Variants in EVC observed in about 807,000 individuals in gnomAD.
The protein encoded by EVC is EvC ciliary complex subunit 1.
EVC carries 116 observed loss-of-function variants against 118.9 expected under a neutral mutation model. The ratio of observed to expected loss-of-function variants is 0.98; its 90% confidence interval spans 0.84 to 1.14. The LOEUF is 1.14. Ranked by LOEUF, EVC falls within the 50% of genes most tolerant of loss-of-function variation. The pLI is 0.00. For missense variants in EVC, 1,401 were observed against 1,246.4 expected (o/e 1.12, Z -1.87); for synonymous variants, 619 against 534.7 (o/e 1.16, Z -2.18).
chr4:5,722,124 C>T (rs539234729), intron 2 of EVC, among the ~76,000 whole-genome samples: 16 of 152,314 alleles, frequency 1.1e-4, no homozygotes, highest in African/African-American at 3.8e-4. Flanking sequence ...CATAACCTGT[C>T]TGAGCCTCAA....
chr4:5,793,387 G>A (rs776300970), intron 12 of EVC: 68 of 571,446 alleles, frequency 1.2e-4, no homozygotes, highest in Admixed American at 2.1e-4. Context: ...CTTCAATTTA[G>A]AATATTTAAA....
downstream of EVC, among the ~76,000 whole-genome samples, chr4:5,816,523 T>C (rs1416595025): frequency 6.6e-6 from 1 of 152,068 alleles, no homozygotes; most frequent in Non-Finnish European, 1.5e-5. Flanking sequence ...TGTAGAACTG[T>C]GCAGCACCAG....
chr4:5,769,611 G>A (rs80277559), intron 11 of EVC, among the ~76,000 whole-genome samples: 2,677 of 152,158 alleles, frequency 0.018, 93 homozygotes, highest in African/African-American at 0.06. Context: ...CAATAACAGC[G>A]GGGCTCTGGG....
At chr4:5,735,740 CTGTG>C (rs569845679) in intron 5 of EVC, among the ~76,000 whole-genome samples, 5 of 152,098 alleles carry the variant, frequency 3.3e-5, no homozygotes, top group South Asian at 2.1e-4. Context: ...TGGACAAGGT[CTGTG>C]TGAGTGAAAG....
chr4:5,794,333 ATTTATATACT>A (rs1445569560), intron 13 of EVC, among the ~76,000 whole-genome samples: 1 of 118,780 alleles, frequency 8.4e-6, no homozygotes, highest in Admixed American at 9.6e-5. Flanking sequence ...ATTTATATAT[ATTTATATACT>A]TATATATATA....
chr4:5,816,207 A>G (rs540067143), downstream of EVC, among the ~76,000 whole-genome samples: 2 of 152,262 alleles, frequency 1.3e-5, no homozygotes, highest in Non-Finnish European at 2.9e-5. Flanking sequence ...GCCCACCGAC[A>G]TAGCCTGCAG....
Position 5,813,636 on chromosome 4 carries a change from C to A in EVC, c.*2599C>A, listed in dbSNP as rs1290191837. ...TGGCAGCACCATAATTGGTCGGTTA[C>A]CCTGAGCCCAGAGCTCTGAAAGCAT... On this transcript the variant is annotated 3_prime_UTR_variant, in exon 21 of 21. Transcript: ENST00000264956. 6.6e-6 allele frequency: 1 copy of A among 152,222 alleles called. No individual in the cohort carries two copies. Among genetic ancestry groups the A allele is most frequent in the Non-Finnish European group, 1.5e-5 (1 of 68,042 alleles). 9.4% of individuals were successfully genotyped at this position (152,222 alleles called of 1,614,324 possible).
Position 5,753,848 on chromosome 4 carries a change from C to T in EVC, c.1379C>T (p.Ala460Val), listed in dbSNP as rs1309149029. The T allele has an allele frequency of 3.1e-6, 5 of 1,613,976 alleles. No individual in the cohort carries two copies. Among genetic ancestry groups the T allele is most frequent in the Admixed American group, 1.7e-5 (1 of 60,012 alleles). ...ASLAHQVEGTAKLTLAQEEEQ... is the reference protein window; with the variant it reads ...ASLAHQVEGTVKLTLAQEEEQ... Reference sequence around the variant, plus strand: ...CTGGCTCACCAGGTGGAGGGAACGGCAAAACTCACGCTGGCCCAAGAGGAG... The same window carrying T: ...CTGGCTCACCAGGTGGAGGGAACGGTAAAACTCACGCTGGCCCAAGAGGAG... Residue 460 changes from alanine to valine, a missense_variant, in exon 10 of 21, where the codon GCA (alanine) becomes GTA (valine). Coordinates refer to ENST00000264956, the MANE Select transcript of EVC (RefSeq NM_153717.3).
chr4:5,795,785 T>C (rs977355501), intron 13 of EVC, among the ~76,000 whole-genome samples: 18 of 152,234 alleles, frequency 1.2e-4, no homozygotes, highest in African/African-American at 4.3e-4. Context: ...TGTCTTTTAA[T>C]TGCATTAATG....
chr4:5,741,576 A>G (rs777631863), intron 5 of EVC, 140 bp from the exon 6 acceptor site: 32 of 590,152 alleles, frequency 5.4e-5, no homozygotes, highest in Admixed American at 1.8e-4. Context: ...AGCAAAAAAT[A>G]TACGTGAAGA....
chr4:5,712,337 A>T (rs771022780), intron 1 of EVC, among the ~76,000 whole-genome samples: 1 of 152,248 alleles, frequency 6.6e-6, no homozygotes, highest in Non-Finnish European at 1.5e-5. Flanking sequence ...CTAAAGTGAC[A>T]GAAGTGTCTA....
intron 11 of EVC, among the ~76,000 whole-genome samples, chr4:5,761,174 C>G (rs1314091483): frequency 2.6e-5 from 4 of 152,022 alleles, no homozygotes; most frequent in Admixed American, 6.5e-5. Context: ...ACTTTAAAGG[C>G]TGGGTGTGCC....
intron 11 of EVC, among the ~76,000 whole-genome samples, chr4:5,766,848 A>G (rs1454682593): frequency 6.6e-6 from 1 of 151,318 alleles, no homozygotes; most frequent in Non-Finnish European, 1.5e-5. Context: ...CTTTGGTTTG[A>G]ATTTCCTCCT....
Position 5,753,903 on chromosome 4 carries a change from G to A in EVC, c.1434G>A (p.Gln478=), listed in dbSNP as rs977322984. The change falls in exon 10 of 21, where the codon CAG becomes CAA. Residue 478 remains glutamine (Q), a synonymous_variant. Coordinates refer to ENST00000264956, the MANE Select transcript of EVC (RefSeq NM_153717.3). ...EEQRSFLAEA[Q]PTADPEKFLE... ...AGAGAAGCTTCCTGGCTGAGGCCCA[G>A]CCGACTGCTGACCCGGAAAAGTTTC... The A allele has an allele frequency of 5.0e-6, 8 of 1,613,574 alleles. No homozygotes were observed. Among genetic ancestry groups the A allele is most frequent in the Non-Finnish European group, 6.8e-6 (8 of 1,180,042 alleles).
chr4:5,777,196 A>G (rs866724041), intron 11 of EVC, among the ~76,000 whole-genome samples: 28 of 152,218 alleles, frequency 1.8e-4, no homozygotes, highest in Admixed American at 4.6e-4. Context: ...TTTGTCAGAT[A>G]TCAGCACCTC....
chr4:5,828,533 C>T, the EVC span: 91 of 1,614,130 alleles, frequency 5.6e-5, no homozygotes, highest in Non-Finnish European at 3.8e-5. Flanking sequence ...TCCGGGAACG[C>T]CTTCCGCGGA....
At chr4:5,759,838 G>C (rs374098800) in intron 11 of EVC, among the ~76,000 whole-genome samples, 2 of 152,296 alleles carry the variant, frequency 1.3e-5, no homozygotes, top group African/African-American at 4.8e-5. Flanking sequence ...CCTCAGGAGG[G>C]CGCGTCCTGA....
chr4:5,782,389 ATTTTTTTTTTTTTT>A (rs71171482), intron 11 of EVC, among the ~76,000 whole-genome samples: 4 of 78,568 alleles, frequency 5.1e-5, no homozygotes, highest in Non-Finnish European at 7.1e-5. Context: ...GTAAGGTTCC[ATTTTTTTTTTTTTT>A]TTTTTTTTTT....
chr4:5,733,497 C>T (rs1727177260), intron 5 of EVC, 62 bp downstream of exon 5: 2 of 1,397,594 alleles, frequency 1.4e-6, no homozygotes, highest in Non-Finnish European at 2.0e-6. Context: ...GACAAGGACT[C>T]TGTGTGCAGT....
Sources: allele counts gnomAD v4.1 joint callset (sites outside exome capture counted in the v4.1 genomes callset), GRCh38; gene constraint gnomAD v4.1.1; transcripts MANE v1.5; gene names NCBI Gene and HGNC (gene_info 2026-07-23, HGNC 2026-07-21).